FGGY: variants seen among roughly 807,000 people sequenced by gnomAD.
FGGY encodes FGGY carbohydrate kinase domain containing, also known as FGGY carbohydrate kinase domain-containing protein.
FGGY carries 72 observed loss-of-function variants against 71.3 expected under a neutral mutation model. That is an observed-to-expected ratio of 1.01 (90% CI 0.84 to 1.23). The LOEUF (loss-of-function observed/expected upper bound fraction) is 1.23. FGGY is among the 50% of genes most tolerant of loss of function. FGGY has a pLI of 0.00. For missense variants in FGGY, 668 were observed against 682.3 expected, an observed-to-expected ratio of 0.98 and a Z score of 0.23; for synonymous variants, 251 against 250.3, an observed-to-expected ratio of 1.00 and a Z score of -0.02.
At chr1:59,521,196 T>G (rs1227435681) in intron 7 of FGGY, among the ~76,000 whole-genome samples, 1 of 152,156 alleles carries the variant, frequency 6.6e-6, no homozygotes, top group Non-Finnish European at 1.5e-5. Flanking sequence ...GCAAGTTTAT[T>G]GTTTTAAGTT....
Position 59,661,691 on chromosome 1 carries a change from GTGTTT to G in FGGY, c.1296+1405_1296+1409del, listed in dbSNP as rs536821521. Among the ~76,000 whole-genome samples, 167 of 144,916 alleles carry G rather than the reference GTGTTT, an allele frequency of 1.2e-3. 3 individuals are homozygous for G. In the East Asian group the frequency reaches 0.031, roughly 27 times the overall value. On this transcript the variant is annotated intron_variant, in intron 12 of 15. Coordinates refer to ENST00000303721, the MANE Select transcript of FGGY (RefSeq NM_018291.5). The stretch of plus-strand genomic sequence containing the variant: ...TGATAATAATGAGTGAATTAAGAGG[GTGTTT>G]TGTTTTTGTTTTTGTTTTTGTTTTT...
intron 5 of FGGY, among the ~76,000 whole-genome samples, chr1:59,433,797 G>A (rs977792830): frequency 3.3e-5 from 5 of 152,106 alleles, no homozygotes; most frequent in African/African-American, 1.2e-4. Context: ...TGTAGGTTAC[G>A]TTACCCACGT....
intron 6 of FGGY, among the ~76,000 whole-genome samples, chr1:59,480,328 A>G (rs2093423415): frequency 6.6e-6 from 1 of 152,126 alleles, no homozygotes; most frequent in Non-Finnish European, 1.5e-5. Context: ...TTTTCTGCAC[A>G]CGACACCCTT....
rs1182751159 is a variant in FGGY at position 59,443,038 on chromosome 1, AG to A, written c.555-13922del. Among the ~76,000 whole-genome samples, 6 of 152,308 alleles carry A rather than the reference AG, an allele frequency of 3.9e-5. No individual in the cohort carries two copies. In the East Asian group the frequency reaches 1.2e-3, roughly 29 times the overall value. On this transcript the variant is annotated intron_variant, in intron 5 of 15. Coordinates refer to ENST00000303721, the MANE Select transcript of FGGY (RefSeq NM_018291.5). Reference sequence around the variant, plus strand: ...TATGAGGGAAATGATAATGCTTTTCAGTACTTCTTAGAGTTGTCAGTGTCTC... The same window carrying A: ...TATGAGGGAAATGATAATGCTTTTCATACTTCTTAGAGTTGTCAGTGTCTC...
chr1:59,324,574 C>T (rs1439092621), intron 2 of FGGY, among the ~76,000 whole-genome samples: 1 of 152,128 alleles, frequency 6.6e-6, no homozygotes, highest in African/African-American at 2.4e-5. Flanking sequence ...CCGCGCCCGG[C>T]CAATAACTAC....
At chr1:59,629,224 T>TA (rs142808830) in intron 10 of FGGY, among the ~76,000 whole-genome samples, 62 of 151,990 alleles carry the variant, frequency 4.1e-4, no homozygotes, top group African/African-American at 1.4e-3. Flanking sequence ...AATGAATAAA[T>TA]AATAAATAAA....
intron 14 of FGGY, among the ~76,000 whole-genome samples, chr1:59,749,275 G>A (rs1352525717): frequency 1.3e-5 from 2 of 152,152 alleles, no homozygotes; most frequent in African/African-American, 4.8e-5. Context: ...ATCAAGCCTT[G>A]GGGGGTGGAG....
intron 14 of FGGY, among the ~76,000 whole-genome samples, chr1:59,687,906 A>T (rs1371296908): frequency 4.6e-5 from 7 of 152,198 alleles, no homozygotes; most frequent in African/African-American, 1.7e-4. Flanking sequence ...CTAAAAGAAA[A>T]GGTAGTCCTT....
Position 59,519,156 on chromosome 1 carries a change from C to T in FGGY, c.799+6717C>T, listed in dbSNP as rs116030752. 6.1e-3 allele frequency among the ~76,000 whole-genome samples: 933 copies of T among 152,326 alleles called. 8 individuals are homozygous for T. The highest frequency in any genetic ancestry group is 0.01 in the Non-Finnish European group (700 of 68,034). ...TTAAATGAGAGATGCGTGACTTAAG[C>T]CCATGCTTTGTGCACACTTATCACT... On this transcript the variant is annotated intron_variant, in intron 7 of 15. Transcript: ENST00000303721.
intron 5 of FGGY, among the ~76,000 whole-genome samples, chr1:59,415,295 A>G (rs1027740450): frequency 1.3e-5 from 2 of 152,244 alleles, no homozygotes; most frequent in Non-Finnish European, 2.9e-5. Flanking sequence ...GTTTTCCTAT[A>G]TAAGACAAAT....
chr1:59,579,736 C>T (rs2096153204), intron 8 of FGGY, among the ~76,000 whole-genome samples: 2 of 152,312 alleles, frequency 1.3e-5, no homozygotes, highest in Admixed American at 6.5e-5. Context: ...GTTTTTACCA[C>T]TGGGCCCTGG....
Position 59,757,964 on chromosome 1 carries a change from G to C in FGGY, c.1546G>C (p.Val516Leu). The change falls in exon 15 of 16, where the codon GTT (valine) becomes CTT (leucine). Residue 516 changes from valine (V) to leucine (L), a missense_variant. By Grantham distance (32) the Val-to-Leu change is conservative (BLOSUM62 1). Coordinates refer to ENST00000303721, the MANE Select transcript of FGGY (RefSeq NM_018291.5). ...AMAKMSKVGK[V>L]VFPRLQDKKY... The stretch of plus-strand genomic sequence containing the variant: ...GGCAAAAATGAGCAAAGTTGGGAAA[G>C]TTGTGTTCCCGAGACTACAGGATAA... 1 of 1,613,358 alleles carries C rather than the reference G, an allele frequency of 6.2e-7. No homozygotes were observed.
intron 14 of FGGY, among the ~76,000 whole-genome samples, chr1:59,702,460 A>G (rs1344541424): frequency 2.0e-5 from 3 of 152,202 alleles, no homozygotes; most frequent in African/African-American, 7.2e-5. Context: ...GGCTTTATCA[A>G]TGGAACTGCA....
chr1:59,457,981 A>T (rs1445238119), intron 6 of FGGY, among the ~76,000 whole-genome samples: 1 of 152,212 alleles, frequency 6.6e-6, no homozygotes, highest in Non-Finnish European at 1.5e-5. Flanking sequence ...TGACAAAAGC[A>T]CTGTTGCATG....
chr1:59,319,735 G>A (rs894573642), intron 1 of FGGY, among the ~76,000 whole-genome samples: 1 of 152,164 alleles, frequency 6.6e-6, no homozygotes, highest in Non-Finnish European at 1.5e-5. Context: ...GAGCAGGACT[G>A]TATTAGGCGG....
chr1:59,677,624 A>G (rs764539997), intron 14 of FGGY, among the ~76,000 whole-genome samples: 5 of 152,156 alleles, frequency 3.3e-5, no homozygotes, highest in Non-Finnish European at 7.4e-5. Flanking sequence ...GGTGATACCA[A>G]TGGATCCACA....
At chr1:59,740,125 T>A (rs2098135904) in intron 14 of FGGY, among the ~76,000 whole-genome samples, 1 of 152,230 alleles carries the variant, frequency 6.6e-6, no homozygotes, top group South Asian at 2.1e-4. Context: ...CTCCTTACTG[T>A]TGGTAATCAT....
intron 4 of FGGY, among the ~76,000 whole-genome samples, chr1:59,370,467 A>G (rs1451413504): frequency 6.6e-6 from 1 of 152,226 alleles, no homozygotes; most frequent in African/African-American, 2.4e-5. Context: ...ATGGAACCAA[A>G]CTGAAAAACA....
chr1:59,334,497 G>T (rs1463476200), intron 2 of FGGY, among the ~76,000 whole-genome samples: 2 of 152,108 alleles, frequency 1.3e-5, no homozygotes, highest in South Asian at 2.1e-4. Flanking sequence ...GGAGGGCTTT[G>T]TAAGGATTAA....
Sources: allele counts gnomAD v4.1 joint callset (sites outside exome capture counted in the v4.1 genomes callset), GRCh38; gene constraint gnomAD v4.1.1; transcripts MANE v1.5; gene names NCBI Gene and HGNC (gene_info 2026-07-23, HGNC 2026-07-21).